The following ZNF718 variants were observed in gnomAD, a reference collection of about 807,000 sequenced individuals.
ZNF718 encodes the protein zinc finger protein 718.
ZNF718 carries 3 observed loss-of-function variants against 2.6 expected under a neutral mutation model. The observed-to-expected ratio is 1.16, with a 90% CI of 0.53 to 3.01. The LOEUF (loss-of-function observed/expected upper bound fraction) is 3.01, where lower values mean the gene tolerates loss of function less well. Among genes scored for constraint, ZNF718 ranks in the 30% most tolerant of loss-of-function variants. ZNF718 has a pLI of 0.03. For synonymous variants in ZNF718, 135 were observed against 77.9 expected, an observed-to-expected ratio of 1.73 and a Z score of -3.86; for missense variants, 468 against 230.0, an observed-to-expected ratio of 2.03 and a Z score of -6.69.
intron 3 of ZNF718, among the ~76,000 whole-genome samples, chr4:145,452 T>G (rs1716006852): frequency 6.6e-6 from 1 of 152,238 alleles, no homozygotes; most frequent in Non-Finnish European, 1.5e-5. Flanking sequence ...AAAGTCTAGC[T>G]TGAGATAACA....
intron 3 of ZNF718, among the ~76,000 whole-genome samples, chr4:159,644 G>GT (rs1716737922): frequency 6.6e-6 from 1 of 151,562 alleles, no homozygotes; most frequent in Non-Finnish European, 1.5e-5. Flanking sequence ...TTCATGACTT[G>GT]TTTTTTATAT....
At chr4:150,532 A>G (rs535136488) in intron 3 of ZNF718, among the ~76,000 whole-genome samples, 1 of 152,084 alleles carries the variant, frequency 6.6e-6, no homozygotes, top group African/African-American at 2.4e-5. Context: ...GGTTTATTTC[A>G]CTTAATGTAA....
intron 3 of ZNF718, among the ~76,000 whole-genome samples, chr4:144,547 G>A (rs1458432816): frequency 2.6e-5 from 4 of 152,176 alleles, no homozygotes; most frequent in Non-Finnish European, 5.9e-5. Context: ...TGTGAAGAAT[G>A]TCATTGATGC....
chr4:145,065 C>T (rs1296861345), intron 3 of ZNF718, among the ~76,000 whole-genome samples: 2 of 151,520 alleles, frequency 1.3e-5, no homozygotes, highest in Admixed American at 6.6e-5. Flanking sequence ...AATAATGATA[C>T]TAACCCTTTC....
intron 3 of ZNF718, among the ~76,000 whole-genome samples, chr4:156,034 T>C (rs1716553101): frequency 6.6e-6 from 1 of 152,154 alleles, no homozygotes; most frequent in Non-Finnish European, 1.5e-5. Context: ...TTCTCTTTCG[T>C]CTACCACCAT....
intron 3 of ZNF718, among the ~76,000 whole-genome samples, chr4:197,555 A>G (rs1467297531): frequency 6.6e-6 from 1 of 152,136 alleles, no homozygotes; most frequent in Non-Finnish European, 1.5e-5. Context: ...CTGGGGTGGA[A>G]AACTCAAGGA....
Position 196,759 on chromosome 4 carries a change from A to G in ZNF718, c.227-4322A>G, listed in dbSNP as rs182680242. ...GGCAGACCAACACTCCCAACCCAGA[A>G]GGGTTGGGGGTTGTTAGAAAGCCCT... is the stretch of plus-strand genomic sequence containing the variant. On this transcript the variant is annotated intron_variant and NMD_transcript_variant, in intron 3 of 4. Transcript: ENST00000642529. 1.1e-3 allele frequency among the ~76,000 whole-genome samples: 162 copies of G among 152,112 alleles called. 1 individual carries two copies. Among genetic ancestry groups the G allele is most frequent in the Middle Eastern group, 3.4e-3 (1 of 292 alleles).
At chr4:147,216 CTG>C (rs1410171557) in intron 3 of ZNF718, among the ~76,000 whole-genome samples, 1 of 152,154 alleles carries the variant, frequency 6.6e-6, no homozygotes, top group Non-Finnish European at 1.5e-5. Context: ...CTTGAATTCT[CTG>C]TTAGTCATTT....
intron 3 of ZNF718, among the ~76,000 whole-genome samples, chr4:134,979 C>T (rs575563707): frequency 6.6e-6 from 1 of 152,212 alleles, no homozygotes; most frequent in Admixed American, 6.5e-5. Flanking sequence ...CACAGTGGCT[C>T]ACGACCGTAA....
intron 1 of ZNF718, chr4:125,273 G>T (rs1346785783): frequency 1.3e-5 from 2 of 153,096 alleles, no homozygotes; most frequent in Non-Finnish European, 1.5e-5. Flanking sequence ...TGGTGTCGGT[G>T]CGCACAGCGC....
At chr4:140,443 A>G (rs1479855941) in intron 3 of ZNF718, among the ~76,000 whole-genome samples, 1 of 152,148 alleles carries the variant, frequency 6.6e-6, no homozygotes, top group Non-Finnish European at 1.5e-5. Flanking sequence ...TTGAATGGAA[A>G]AGTGGAATGG....
intron 3 of ZNF718, among the ~76,000 whole-genome samples, chr4:197,948 G>A (rs1717825299): frequency 6.6e-6 from 1 of 152,150 alleles, no homozygotes; most frequent in South Asian, 2.1e-4. Context: ...CAGGAGAGCA[G>A]AAAGAAGTAA....
rs373280601 is a variant in ZNF718, at chr4:161,347, A to G, written c.662A>G (p.His221Arg). 76 of 779,718 alleles carry G rather than the reference A, an allele frequency of 9.7e-5. No homozygotes were observed. The African/African-American group carries it at 1.2e-3, about 12-fold the overall frequency. The allele number at this position is 779,718 out of a possible 1,614,324, so 48.3% of individuals were successfully genotyped here. ...SSILTKHKRIHAREKFYKCEE... is the reference protein window; with the variant it reads ...SSILTKHKRIRAREKFYKCEE... ...ATTCTTACTAAACATAAGAGAATTC[A>G]TGCCAGAGAGAAATTCTACAAGTGT... Residue 221 changes from histidine (H) to arginine (R), a missense_variant, in exon 4 of 4, where the codon CAT (histidine) becomes CGT (arginine). His to Arg is a conservative substitution (Grantham distance 29). Transcript: ENST00000510175.
intron 3 of ZNF718, among the ~76,000 whole-genome samples, chr4:133,515 G>A (rs1198022409): frequency 1.3e-5 from 2 of 151,968 alleles, no homozygotes; most frequent in African/African-American, 2.4e-5. Flanking sequence ...GTTCTGTTGA[G>A]ATCTATCTAT....
intron 3 of ZNF718, chr4:149,948 A>G (rs1214506779): frequency 6.6e-6 from 1 of 152,168 alleles, no homozygotes; most frequent in Non-Finnish European, 1.5e-5. Context: ...GTATATTTAC[A>G]TTATATTGCA....
chr4:134,401 C>T (rs1410307596), intron 3 of ZNF718, among the ~76,000 whole-genome samples: 3 of 152,158 alleles, frequency 2.0e-5, no homozygotes, highest in Non-Finnish European at 4.4e-5. Context: ...CCTCGGCCTC[C>T]CAAAGTGCTG....
chr4:181,684 G>T (rs1328314128), intron 3 of ZNF718, among the ~76,000 whole-genome samples: 1 of 151,914 alleles, frequency 6.6e-6, no homozygotes, highest in Non-Finnish European at 1.5e-5. Flanking sequence ...TTAAGTCCAG[G>T]GGTACATATG....
chr4:177,627 T>C (rs1255996613), intron 3 of ZNF718, among the ~76,000 whole-genome samples: 1 of 152,178 alleles, frequency 6.6e-6, no homozygotes, highest in Non-Finnish European at 1.5e-5. Context: ...CAAATGGTCC[T>C]CTAACAGGAA....
In ZNF718 at chr4:131,807, C is replaced by T. The variant is rs1715355269; in HGVS notation, c.226+302C>T. Among the ~76,000 whole-genome samples the T allele has an allele frequency of 2.2e-5, 2 of 93,012 alleles. 1 individual carries two copies. The highest frequency in any genetic ancestry group is 7.6e-5 in the African/African-American group (2 of 26,150). 61.0% of individuals were successfully genotyped at this position (93,012 alleles called of 152,430 possible). On this transcript the variant is annotated intron_variant, in intron 3 of 3. Coordinates refer to ENST00000510175, the MANE Select transcript of ZNF718 (RefSeq NM_001039127.6). Reference sequence around the variant, plus strand: ...GAGAATTGCTTAAAAACACAGGAGGCGGCCGAGGCGGGTGGATCATGAGGT... The same window carrying T: ...GAGAATTGCTTAAAAACACAGGAGGTGGCCGAGGCGGGTGGATCATGAGGT...
Sources: allele counts gnomAD v4.1 joint callset (sites outside exome capture counted in the v4.1 genomes callset), GRCh38; gene constraint gnomAD v4.1.1; transcripts MANE v1.5; gene names NCBI Gene and HGNC (gene_info 2026-07-23, HGNC 2026-07-21).